MTCL1: variants seen among roughly 807,000 people sequenced by gnomAD.
MTCL1 encodes microtubule crosslinking factor 1, also known as microtubule cross-linking factor 1.
Under a neutral mutation model 141.4 loss-of-function variants are expected in MTCL1, and 79 were observed. The observed-to-expected ratio is 0.56, with a 90% CI of 0.47 to 0.67. The LOEUF (loss-of-function observed/expected upper bound fraction) is 0.67. Among genes scored for constraint, MTCL1 ranks in the 30% least tolerant of loss-of-function variants. The pLI, the probability that MTCL1 is intolerant of heterozygous loss-of-function variation, is 0.00. For missense variants in MTCL1, 2,177 were observed against 2,113.9 expected, an observed-to-expected ratio of 1.03 and a Z score of -0.59; for synonymous variants, 914 against 875.8, an observed-to-expected ratio of 1.04 and a Z score of -0.77.
chr18:8,786,110 T>TCCACCC lies in MTCL1; in HGVS notation c.1887+21_1887+22insACCCCC. The stretch of plus-strand genomic sequence containing the variant: ...CCTGGAGGTCAGCGTGGGCAAGCAA[T>TCCACCC]CCCCCCCCCCCGCCCTCCCCCTCCT... On this transcript the variant is annotated intron_variant, in intron 7 of 16. Transcript: ENST00000359865. The TCCACCC allele has an allele frequency of 7.6e-7, 1 of 1,310,348 alleles. No homozygotes were observed. The allele number at this position is 1,310,348 out of a possible 1,614,324, so 81.2% of individuals were successfully genotyped here. A position where few individuals can be genotyped will look rare whatever the true frequency, so the allele number is the denominator to read the frequency against.
intron 4 of MTCL1, among the ~76,000 whole-genome samples, chr18:8,777,336 C>T (rs2096515163): frequency 6.6e-6 from 1 of 152,242 alleles, no homozygotes; most frequent in Admixed American, 6.5e-5. Flanking sequence ...CCAAGTGATC[C>T]TCCCGCCTTG....
At chr18:8,733,823 A>C (rs904463734) in intron 4 of MTCL1, among the ~76,000 whole-genome samples, 2 of 152,152 alleles carry the variant, frequency 1.3e-5, no homozygotes, top group Non-Finnish European at 2.9e-5. Context: ...GGGCTTGGCC[A>C]GGCCGTTTTT....
At chr18:8,732,548 G>T (rs778963592) in intron 4 of MTCL1, among the ~76,000 whole-genome samples, 1 of 152,184 alleles carries the variant, frequency 6.6e-6, no homozygotes. Context: ...GCCATCGTAC[G>T]TTGAAATGGT....
chr18:8,725,776 CTTTTTTT>C lies in MTCL1; in HGVS notation c.357+5287_357+5293del, dbSNP rs1220187127. Among the ~76,000 whole-genome samples, 481 of 111,024 alleles carry C rather than the reference CTTTTTTT, an allele frequency of 4.3e-3. 4 individuals carry two copies. The highest frequency in any genetic ancestry group is 0.017 in the African/African-American group (460 of 27,062). The allele number at this position is 111,024 out of a possible 152,430, so 72.8% of individuals were successfully genotyped here. A position where few individuals can be genotyped will look rare whatever the true frequency, so the allele number is the denominator to read the frequency against. ...GCGTTATGTATTTTGGTGCCATTTTCTTTTTTTTTTTTTCTTTTTTTTTTTTTTTTTG... is the reference window on the plus strand; with the variant it reads ...GCGTTATGTATTTTGGTGCCATTTTCTTTTTTCTTTTTTTTTTTTTTTTTG... On this transcript the variant is annotated intron_variant, in intron 4 of 16. Coordinates refer to ENST00000359865, the Ensembl canonical transcript of MTCL1.
At chr18:8,706,654 G>A (rs999359596) in exon 1 of MTCL1, 4 of 1,546,298 alleles carry the variant, frequency 2.6e-6, no homozygotes, top group South Asian at 2.4e-5. Context: ...GCCAGCGGCG[G>A]AGGAAGAAGA....
At chr18:8,724,759 T>C (rs112523337) in intron 4 of MTCL1, among the ~76,000 whole-genome samples, 44 of 152,304 alleles carry the variant, frequency 2.9e-4, no homozygotes, top group African/African-American at 1.0e-3. Flanking sequence ...TGACTAGGAC[T>C]GTGTGCTCTG....
In MTCL1 at chr18:8,768,917, G is replaced by A. The variant is rs566458338; in HGVS notation, c.358-8916G>A. On this transcript the variant is annotated intron_variant, in intron 4 of 16. Transcript: ENST00000359865. Reference sequence around the variant, plus strand: ...AGCAATTCTCCTGCCTCAGCCTGCCGAGTAGCTGGGATTACAGGTGTGCAT... The same window carrying A: ...AGCAATTCTCCTGCCTCAGCCTGCCAAGTAGCTGGGATTACAGGTGTGCAT... Among the ~76,000 whole-genome samples the A allele has an allele frequency of 8.6e-5, 13 of 150,812 alleles. No homozygotes were observed. In the Admixed American group the frequency reaches 8.6e-4, roughly 10 times the overall value.
chr18:8,783,997 C>T (rs149524338), exon 6 of MTCL1: 79 of 1,613,584 alleles, frequency 4.9e-5, no homozygotes, highest in Admixed American at 4.2e-4. Context: ...TCTCCGAGAT[C>T]GAAGACCACA....
In MTCL1 at chr18:8,706,399, C is replaced by G. The variant is rs1168006172; in HGVS notation, c.739C>G (p.Arg247Gly). Residue 247 changes from arginine to glycine, a missense_variant, in exon 1 of 14, where the codon CGA (arginine) becomes GGA (glycine). Coordinates refer to the MTCL1 transcript ENST00000306329. The stretch of plus-strand genomic sequence containing the variant: ...GGGCTCCAGCGACCGTGAACCCCCA[C>G]GAGGAGCGCCGACGCCGAGCCCCGC... 3 of 1,228,796 alleles carry G rather than the reference C, an allele frequency of 2.4e-6. No homozygotes were observed. In the East Asian group the frequency reaches 9.6e-5, roughly 39 times the overall value. The allele number at this position is 1,228,796 out of a possible 1,614,324, so 76.1% of individuals were successfully genotyped here.
Position 8,798,418 on chromosome 18 carries a change from G to A in MTCL1, c.2436+127G>A, listed in dbSNP as rs201430249. On this transcript the variant is annotated intron_variant, in intron 10 of 16. Coordinates refer to ENST00000359865, the Ensembl canonical transcript of MTCL1. ...GCAGAAAATTCCACCGCCTGACTGCGGTCACCTGTTGTCATTTGTGATGCT... is the reference window on the plus strand; with the variant it reads ...GCAGAAAATTCCACCGCCTGACTGCAGTCACCTGTTGTCATTTGTGATGCT... 27 of 750,806 alleles carry A rather than the reference G, an allele frequency of 3.6e-5. No individual in the cohort carries two copies. In the East Asian group the frequency reaches 5.7e-4, roughly 16 times the overall value. The allele number at this position is 750,806 out of a possible 1,614,324, so 46.5% of individuals were successfully genotyped here.
intron 13 of MTCL1, 108 bp downstream of exon 12, chr18:8,819,367 T>C (rs1487048740): frequency 7.8e-6 from 9 of 1,147,070 alleles, no homozygotes; most frequent in Non-Finnish European, 1.1e-5. Flanking sequence ...CTAGCACTTT[T>C]GCATACAGCA....
chr18:8,805,503 C>T (rs948526037), intron 10 of MTCL1, among the ~76,000 whole-genome samples: 2 of 152,126 alleles, frequency 1.3e-5, no homozygotes, highest in Non-Finnish European at 2.9e-5. Flanking sequence ...ATCTTAAATT[C>T]CTCCCATATA....
At position 8,808,853 on chromosome 18, in the gene MTCL1, A is replaced by T. The variant is rs557350403; in HGVS notation, c.2604+1793A>T. On this transcript the variant is annotated intron_variant, in intron 11 of 16. Coordinates refer to ENST00000359865, the Ensembl canonical transcript of MTCL1. ...GACCTAGACAAGTGCTGTCCTTTAT[A>T]ACAGCGTGGAAAGTGCCCACAGGGC... 1.4e-4 allele frequency among the ~76,000 whole-genome samples: 21 copies of T among 152,336 alleles called. 1 individual carries two copies. The highest frequency in any genetic ancestry group is 4.8e-4 in the African/African-American group (20 of 41,572).
chr18:8,795,984 T>C (rs2075904038), intron 8 of MTCL1, among the ~76,000 whole-genome samples: 1 of 152,204 alleles, frequency 6.6e-6, no homozygotes, highest in African/African-American at 2.4e-5. Context: ...ATGAGAGACT[T>C]GGCAATGAAA....
intron 4 of MTCL1, among the ~76,000 whole-genome samples, chr18:8,735,642 G>T (rs2096271333): frequency 6.6e-6 from 1 of 152,172 alleles, no homozygotes; most frequent in Admixed American, 6.5e-5. Flanking sequence ...TCTAGTTGGG[G>T]GGTGGGCATG....
At chr18:8,785,815 T>C (rs1326091629) in intron 6 of MTCL1, 121 bp from the exon 6 acceptor site, 1 of 1,205,302 alleles carries the variant, frequency 8.3e-7, no homozygotes, top group Non-Finnish European at 1.1e-6. Context: ...GTCGTCTCCC[T>C]TGTCCATTTT....
In MTCL1 at chr18:8,830,652, TC is replaced by T. The variant is rs2077167030; in HGVS notation, c.*19-953del. The stretch of plus-strand genomic sequence containing the variant: ...GAGGGTCCTTGTTCTCTGTCATCCT[TC>T]CTGTGCCTTCCATTCAGTTCACCTC... On this transcript the variant is annotated intron_variant, in intron 16 of 16. Transcript: ENST00000359865. This position sits in a 1 kb window ranked among gnomAD's most constrained non-coding sequence, Gnocchi z 6.4. 1 of 985,480 alleles carries T rather than the reference TC, an allele frequency of 1.0e-6. No individual in the cohort carries two copies. The highest frequency in any genetic ancestry group is 1.2e-6 in the Non-Finnish European group (1 of 830,032). The allele number at this position is 985,480 out of a possible 1,614,324, so 61.0% of individuals were successfully genotyped here. A position where few individuals can be genotyped will look rare whatever the true frequency, so the allele number is the denominator to read the frequency against.
At chr18:8,798,033 A>G in intron 9 of MTCL1, 64 bp from the exon 9 acceptor site, 1 of 1,484,784 alleles carries the variant, frequency 6.7e-7, no homozygotes. Context: ...CAGACAGTGA[A>G]AATCAGGCTG....
chr18:8,825,898 G>A (rs781615415), exon 15 of MTCL1: 2 of 1,613,032 alleles, frequency 1.2e-6, no homozygotes, highest in East Asian at 2.2e-5. Context: ...TTCCAGAAGG[G>A]GCTGCGGGCC....
Sources: gnomAD v4.1 joint callset for allele counts (sites outside exome capture counted in the v4.1 genomes callset) on GRCh38, gnomAD v4.1.1 for gene constraint, Gnocchi (gnomAD v3.1) non-coding constraint, MANE v1.5 for transcripts, NCBI Gene and HGNC (gene_info 2026-07-23, HGNC 2026-07-21) for gene names.